The following IRGM variants were observed in gnomAD, a reference collection of about 807,000 sequenced individuals.
IRGM encodes immunity related GTPase M.
For missense variants in IRGM, 288 were observed against 219.9 expected (o/e 1.31, Z -1.96); for synonymous variants, 98 against 80.6 (o/e 1.22, Z -1.16).
intron 3 of IRGM, chr5:150,895,252 T>TAACTA: frequency 1.9e-6 from 1 of 519,402 alleles, no homozygotes; most frequent in East Asian, 3.0e-5. Flanking sequence ...TTCATTTATA[T>TAACTA]AACTATTTTC....
chr5:150,892,270 T>C (rs368051481), intron 3 of IRGM, among the ~76,000 whole-genome samples: 2 of 151,424 alleles, frequency 1.3e-5, no homozygotes, highest in African/African-American at 4.9e-5. Flanking sequence ...GCAAGCATCA[T>C]GTATCATGAA....
At chr5:150,889,938 T>C (rs996646855) in intron 3 of IRGM, among the ~76,000 whole-genome samples, 41 of 152,122 alleles carry the variant, frequency 2.7e-4, no homozygotes, top group African/African-American at 9.4e-4. Flanking sequence ...GTTTAGACTT[T>C]TGCATCAATA....
chr5:150,871,085 A>C (rs1211030420), intron 1 of IRGM, among the ~76,000 whole-genome samples: 1 of 152,192 alleles, frequency 6.6e-6, no homozygotes, highest in Non-Finnish European at 1.5e-5. Flanking sequence ...ATTTACATAC[A>C]AGGCAACCCT....
chr5:150,858,668 A>G (rs1754092935), intron 1 of IRGM, among the ~76,000 whole-genome samples: 1 of 151,548 alleles, frequency 6.6e-6, no homozygotes, highest in Admixed American at 6.6e-5. Context: ...ATTCCTAGGT[A>G]TTTTATTCTC....
chr5:150,896,318 A>G (rs1561755389), intron 3 of IRGM: 1 of 1,613,632 alleles, frequency 6.2e-7, no homozygotes, highest in Non-Finnish European at 8.5e-7. Context: ...GAAACTTCTC[A>G]CTGAAGGCTT....
chr5:150,877,331 G>A (rs952179866), intron 1 of IRGM, among the ~76,000 whole-genome samples: 4 of 152,154 alleles, frequency 2.6e-5, no homozygotes, highest in African/African-American at 9.7e-5. Context: ...CTGCCAGTGA[G>A]GCCAGTATTA....
intron 1 of IRGM, among the ~76,000 whole-genome samples, chr5:150,871,697 T>G (rs1253720746): frequency 6.6e-6 from 1 of 152,240 alleles, no homozygotes; most frequent in African/African-American, 2.4e-5. Flanking sequence ...GTTACCTGAT[T>G]TACTGACTAA....
chr5:150,867,760 G>A (rs749867483), intron 1 of IRGM, among the ~76,000 whole-genome samples: 11 of 151,186 alleles, frequency 7.3e-5, no homozygotes, highest in Non-Finnish European at 1.5e-4. Context: ...AATGTTTCTT[G>A]GCCATTTGTA....
rs1561747867 is a variant in IRGM at position 150,877,047 on chromosome 5, G to A, written c.159-933G>A. ...GTTGGGGATTGGTGCATTTCCAGTT[G>A]TACGAAGAATAGTTGCATTATGTTA... is the stretch of plus-strand genomic sequence containing the variant. On this transcript the variant is annotated intron_variant and NMD_transcript_variant, in intron 1 of 3. Transcript: ENST00000520549. 2.0e-5 allele frequency among the ~76,000 whole-genome samples: 3 copies of A among 152,056 alleles called. No individual in the cohort carries two copies. In the South Asian group the frequency reaches 6.2e-4, roughly 32 times the overall value.
At chr5:150,896,113 TATGTATTCTCTG>T (rs776151574) in intron 3 of IRGM, 1 of 1,613,428 alleles carries the variant, frequency 6.2e-7, no homozygotes, top group Non-Finnish European at 8.5e-7. Context: ...TTTTCCCCAG[TATGTATTCTCTG>T]ATGTATAATG....
intron 3 of IRGM, chr5:150,895,186 T>C (rs1269137185): frequency 2.4e-6 from 1 of 413,512 alleles, no homozygotes; most frequent in Non-Finnish European, 4.3e-6. Flanking sequence ...TAACTTGCTG[T>C]GCTGATCACT....
intron 3 of IRGM, chr5:150,879,710 C>T (rs960941605): frequency 2.6e-5 from 4 of 152,172 alleles, no homozygotes; most frequent in African/African-American, 9.7e-5. Context: ...GAAGCAACAG[C>T]TAAGATCACT....
intron 3 of IRGM, among the ~76,000 whole-genome samples, chr5:150,899,738 C>T (rs1478217144): frequency 6.6e-6 from 1 of 152,046 alleles, no homozygotes; most frequent in Non-Finnish European, 1.5e-5. Context: ...GGAACATTGA[C>T]TATTTTAATT....
chr5:150,865,733 G>A (rs1455644628), intron 1 of IRGM, among the ~76,000 whole-genome samples: 1 of 152,112 alleles, frequency 6.6e-6, no homozygotes, highest in Admixed American at 6.5e-5. Context: ...TGTATAAGAA[G>A]GAAAATATTC....
At chr5:150,900,372 T>A (rs995133664) in intron 3 of IRGM, among the ~76,000 whole-genome samples, 4 of 152,066 alleles carry the variant, frequency 2.6e-5, no homozygotes, top group Admixed American at 6.6e-5. Context: ...TGCTGCTTCC[T>A]GTCCTCAGCC....
intron 1 of IRGM, among the ~76,000 whole-genome samples, chr5:150,858,120 A>G (rs1442439408): frequency 2.6e-5 from 4 of 152,050 alleles, no homozygotes; most frequent in Admixed American, 2.6e-4. Context: ...TAAGGAAGGG[A>G]TCCAGTTTCA....
chr5:150,886,919 T>G (rs1414320812), intron 3 of IRGM, among the ~76,000 whole-genome samples: 1 of 152,046 alleles, frequency 6.6e-6, no homozygotes, highest in African/African-American at 2.4e-5. Flanking sequence ...TCAGCTCTGA[T>G]TTTGGTTATT....
At chr5:150,870,672 A>C (rs7701802) in intron 1 of IRGM, among the ~76,000 whole-genome samples, 5,102 of 152,096 alleles carry the variant, frequency 0.034, 274 homozygotes, top group African/African-American at 0.12. Context: ...TGGTAGAGAG[A>C]AGTCTTCAGC....
At chr5:150,853,966 T>A (rs1754012021) in intron 1 of IRGM, among the ~76,000 whole-genome samples, 1 of 152,152 alleles carries the variant, frequency 6.6e-6, no homozygotes, top group Non-Finnish European at 1.5e-5. Flanking sequence ...TTTGATGTTT[T>A]CTCTTTGTCT....
Sources: allele counts gnomAD v4.1 joint callset (sites outside exome capture counted in the v4.1 genomes callset), GRCh38; gene constraint gnomAD v4.1.1; transcripts MANE v1.5; gene names NCBI Gene and HGNC (gene_info 2026-07-23, HGNC 2026-07-21).